The following TANC1 variants were observed in gnomAD, a reference collection of about 807,000 sequenced individuals.
TANC1 encodes protein TANC1.
In TANC1, 77 loss-of-function variants were observed where a neutral mutation model predicts 149.7. The observed-to-expected ratio is 0.51, with a 90% CI of 0.43 to 0.62. The LOEUF (loss-of-function observed/expected upper bound fraction) is 0.62. Among genes scored for constraint, TANC1 ranks in the 20% least tolerant of loss-of-function variants. The pLI, the probability that TANC1 is intolerant of heterozygous loss-of-function variation, is 0.00. For synonymous variants in TANC1, 854 were observed against 925.0 expected (o/e 0.92, Z 1.39); for missense variants, 1,985 against 2,321.8 (o/e 0.85, Z 2.98).
rs2036449357 is a variant in TANC1 at position 158,999,631 on chromosome 2, T to G, written c.-125-1449T>G. Among the ~76,000 whole-genome samples the G allele has an allele frequency of 3.9e-5, 6 of 152,314 alleles. No homozygotes were observed. In the South Asian group the frequency reaches 1.2e-3, roughly 32 times the overall value. On this transcript the variant is annotated intron_variant, in intron 1 of 26. Transcript: ENST00000263635. ...GTAGTGGTTTTGTTTCTGGTTTTTT[T>G]CTTTCATCAAAGGGATATTTGTTCT...
intron 2 of TANC1, among the ~76,000 whole-genome samples, chr2:159,014,322 A>C (rs1014918246): frequency 3.3e-5 from 5 of 152,224 alleles, no homozygotes; most frequent in African/African-American, 1.2e-4. Context: ...GAAACCCCTA[A>C]TAAAATGATA....
chr2:159,046,039 A>C (rs568719641), intron 2 of TANC1, among the ~76,000 whole-genome samples: 25 of 152,330 alleles, frequency 1.6e-4, no homozygotes, highest in African/African-American at 5.8e-4. Flanking sequence ...GTAACATTGA[A>C]ATAGCAATTT....
intron 2 of TANC1, among the ~76,000 whole-genome samples, chr2:159,028,658 T>A (rs2039542248): frequency 6.6e-6 from 1 of 152,232 alleles, no homozygotes; most frequent in Non-Finnish European, 1.5e-5. Flanking sequence ...TCATCCTCTG[T>A]GACTGAAACT....
chr2:159,084,298 TC>T (rs989985384), intron 3 of TANC1, among the ~76,000 whole-genome samples: 24 of 150,158 alleles, frequency 1.6e-4, no homozygotes, highest in East Asian at 5.9e-4. Flanking sequence ...CACTCCTAGC[TC>T]CCCCCCCAAT....
chr2:158,975,719 C>T (rs1157006479), intron 1 of TANC1, among the ~76,000 whole-genome samples: 1 of 151,682 alleles, frequency 6.6e-6, no homozygotes, highest in Non-Finnish European at 1.5e-5. Flanking sequence ...ACAGAGTGAA[C>T]CACCATCCCC....
At chr2:159,218,871 G>A (rs1467286835) in intron 20 of TANC1, among the ~76,000 whole-genome samples, 3 of 152,100 alleles carry the variant, frequency 2.0e-5, no homozygotes, top group African/African-American at 7.2e-5. Context: ...GTGCCCGTGG[G>A]GGACCCCATG....
chr2:159,118,034 A>G (rs1160498695), intron 4 of TANC1, among the ~76,000 whole-genome samples: 1 of 151,766 alleles, frequency 6.6e-6, no homozygotes, highest in South Asian at 2.1e-4. Flanking sequence ...TGTTTTTCTC[A>G]TGATTAGACT....
chr2:159,073,682 C>T (rs942239983), intron 3 of TANC1, among the ~76,000 whole-genome samples: 1 of 152,098 alleles, frequency 6.6e-6, no homozygotes, highest in Non-Finnish European at 1.5e-5. Flanking sequence ...TTATTTTGTA[C>T]AGACTTAGTT....
intron 23 of TANC1, 92 bp downstream of exon 23, chr2:159,224,456 T>G: frequency 6.9e-7 from 1 of 1,457,370 alleles, no homozygotes; most frequent in Non-Finnish European, 9.5e-7. Context: ...GCTCCCAGGT[T>G]AGGAAGTAAG....
In TANC1 at chr2:158,977,307, A is replaced by AT. The variant is rs199997263; in HGVS notation, c.-126+8527dup. 6.5e-4 allele frequency among the ~76,000 whole-genome samples: 99 copies of AT among 151,322 alleles called. 2 individuals are homozygous for AT. In the East Asian group the frequency reaches 0.015, roughly 23 times the overall value. On this transcript the variant is annotated intron_variant, in intron 1 of 26. Transcript: ENST00000263635. ...GGTGTGCACCATCACACCTGGCTTA[A>AT]TTAAAAAAAAATTTTTTTTTTGAGA... is the stretch of plus-strand genomic sequence containing the variant.
At chr2:159,129,627 A>G (rs1249263954) in intron 4 of TANC1, among the ~76,000 whole-genome samples, 2 of 151,744 alleles carry the variant, frequency 1.3e-5, no homozygotes, top group African/African-American at 4.8e-5. Flanking sequence ...TGGCTGTGTA[A>G]CTTACTTTTG....
chr2:159,164,396 A>G (rs1005592678), intron 8 of TANC1, among the ~76,000 whole-genome samples: 29 of 152,238 alleles, frequency 1.9e-4, no homozygotes, highest in Admixed American at 5.2e-4. Flanking sequence ...TGCAAATATT[A>G]TACCATTTTA....
At chr2:159,104,981 CTTTTTTTTTTTTTTTT>C (rs146778655) in intron 4 of TANC1, among the ~76,000 whole-genome samples, 10 of 43,384 alleles carry the variant, frequency 2.3e-4, no homozygotes, top group Admixed American at 8.0e-4. Flanking sequence ...TGGATATTTG[CTTTTTTTTTTTTTTTT>C]TTTTTTTTTT....
intron 5 of TANC1, among the ~76,000 whole-genome samples, chr2:159,147,039 T>C (rs1442327173): frequency 1.3e-5 from 2 of 152,118 alleles, no homozygotes; most frequent in African/African-American, 4.8e-5. Flanking sequence ...CTGCTGCACA[T>C]AGGACCTACA....
At chr2:159,000,851 G>T (rs1209856676) in intron 1 of TANC1, among the ~76,000 whole-genome samples, 1 of 152,160 alleles carries the variant, frequency 6.6e-6, no homozygotes, top group East Asian at 1.9e-4. Context: ...CTTAAGTGCA[G>T]GCGTAATGAG....
chr2:159,060,448 A>G (rs963517367), intron 2 of TANC1, among the ~76,000 whole-genome samples: 1 of 152,174 alleles, frequency 6.6e-6, no homozygotes, highest in African/African-American at 2.4e-5. Flanking sequence ...TAAATGCAGC[A>G]TTTTCCTCCC....
intron 14 of TANC1, among the ~76,000 whole-genome samples, chr2:159,184,448 C>T (rs776183485): frequency 3.3e-5 from 5 of 152,068 alleles, no homozygotes; most frequent in Admixed American, 2.0e-4. Flanking sequence ...GGCCCGGCCA[C>T]CAAGGGGTGT....
intron 5 of TANC1, among the ~76,000 whole-genome samples, chr2:159,140,781 C>T (rs978972554): frequency 6.7e-6 from 1 of 149,416 alleles, no homozygotes. Context: ...ACCTCTGCCT[C>T]CTGGGTTCAA....
intron 8 of TANC1, among the ~76,000 whole-genome samples, chr2:159,167,302 G>A (rs2054705211): frequency 6.6e-6 from 1 of 152,160 alleles, no homozygotes; most frequent in South Asian, 2.1e-4. Context: ...AGGCATGTGA[G>A]GAGAAGGGTC....
Sources: gnomAD v4.1 joint callset for allele counts (sites outside exome capture counted in the v4.1 genomes callset) on GRCh38, gnomAD v4.1.1 for gene constraint, MANE v1.5 for transcripts, NCBI Gene and HGNC (gene_info 2026-07-23, HGNC 2026-07-21) for gene names.